The following PCDHA11 variants were observed in gnomAD, a reference collection of about 807,000 sequenced individuals.
The protein encoded by PCDHA11 is protocadherin alpha-11.
Under a neutral mutation model 70.3 loss-of-function variants are expected in PCDHA11, and 61 were observed. That is an observed-to-expected ratio of 0.87 (90% confidence interval 0.71 to 1.07). The LOEUF (loss-of-function observed/expected upper bound fraction) is 1.07. PCDHA11 is among the 50% of genes least tolerant of loss of function. PCDHA11 has a pLI of 0.00. For missense variants in PCDHA11, 1,324 were observed against 1,237.5 expected (o/e 1.07, Z -1.05); for synonymous variants, 633 against 555.1 (o/e 1.14, Z -1.97).
chr5:140,962,127 G>A (rs1198076557), intron 1 of PCDHA11, among the ~76,000 whole-genome samples: 1 of 151,934 alleles, frequency 6.6e-6, no homozygotes, highest in East Asian at 1.9e-4. Flanking sequence ...CCTTGGCCTC[G>A]GCCTCCCAAA....
chr5:140,954,025 C>T (rs533473552), intron 1 of PCDHA11, among the ~76,000 whole-genome samples: 385 of 152,188 alleles, frequency 2.5e-3, no homozygotes, highest in Middle Eastern at 0.014. Context: ...CATAGTGGGA[C>T]GATGTGGTAT....
chr5:140,917,669 C>G (rs555314392), intron 1 of PCDHA11, among the ~76,000 whole-genome samples: 2 of 152,140 alleles, frequency 1.3e-5, no homozygotes, highest in Non-Finnish European at 2.9e-5. Context: ...AGTCCTTTCT[C>G]CATTGCTTGT....
intron 3 of PCDHA11, among the ~76,000 whole-genome samples, chr5:141,006,057 A>G (rs2098253248): frequency 6.6e-6 from 1 of 152,022 alleles, no homozygotes. Context: ...AGAGTGGAGA[A>G]GAAATAAAAA....
intron 1 of PCDHA11, among the ~76,000 whole-genome samples, chr5:140,921,809 C>CA (rs1184598188): frequency 6.6e-6 from 1 of 151,940 alleles, no homozygotes; most frequent in Non-Finnish European, 1.5e-5. Context: ...AGATAAGATA[C>CA]ATGTGTGAAT....
chr5:140,903,401 T>C (rs577425497), intron 1 of PCDHA11, among the ~76,000 whole-genome samples: 1 of 152,218 alleles, frequency 6.6e-6, no homozygotes, highest in Non-Finnish European at 1.5e-5. Context: ...GAAACAGTAG[T>C]GCAGTCAGGA....
At chr5:140,879,555 C>A (rs1278975106) in intron 1 of PCDHA11, among the ~76,000 whole-genome samples, 1 of 152,048 alleles carries the variant, frequency 6.6e-6, no homozygotes, top group African/African-American at 2.4e-5. Flanking sequence ...AAAAATAATC[C>A]ATGAAAGAAT....
chr5:140,875,432 T>C (rs1268206649), intron 1 of PCDHA11: 3 of 1,559,782 alleles, frequency 1.9e-6, no homozygotes, highest in Non-Finnish European at 2.6e-6. Flanking sequence ...AGCGATCCCT[T>C]AAAACTGATT....
chr5:140,944,984 T>A (rs972607288), intron 1 of PCDHA11, among the ~76,000 whole-genome samples: 6 of 152,184 alleles, frequency 3.9e-5, no homozygotes, highest in Non-Finnish European at 8.8e-5. Context: ...GTGGGTCTAC[T>A]TCTGTAACGG....
intron 1 of PCDHA11, chr5:140,967,751 T>G: frequency 6.2e-7 from 1 of 1,614,138 alleles, no homozygotes; most frequent in African/African-American, 1.3e-5. Context: ...TGAGGAAGCC[T>G]CCTCCTACCA....
intron 1 of PCDHA11, among the ~76,000 whole-genome samples, chr5:140,976,889 T>A (rs2096736169): frequency 6.6e-6 from 1 of 152,218 alleles, no homozygotes; most frequent in Admixed American, 6.5e-5. Context: ...TTAGGATACA[T>A]GCAACAGTAT....
chr5:140,875,386 C>G, intron 1 of PCDHA11: 1 of 1,465,972 alleles, frequency 6.8e-7, no homozygotes, highest in Non-Finnish European at 9.0e-7. Flanking sequence ...TATGTACTTA[C>G]AGAAAAGGGT....
chr5:140,969,190 T>C, intron 1 of PCDHA11: 2 of 1,614,072 alleles, frequency 1.2e-6, no homozygotes, highest in Non-Finnish European at 1.7e-6. Flanking sequence ...CTTTCATGTT[T>C]TACAATACAG....
chr5:140,949,685 G>A (rs1044878374), intron 1 of PCDHA11, among the ~76,000 whole-genome samples: 4 of 151,794 alleles, frequency 2.6e-5, no homozygotes, highest in East Asian at 1.9e-4. Flanking sequence ...TTGTTGAAGC[G>A]TATTGTTGGA....
Position 140,870,709 on chromosome 5 carries a change from G to T in PCDHA11, c.1606G>T (p.Ala536Ser), listed in dbSNP as rs782475792. ...GGAGCTGCTACAGTTCCAGGTGAGC[G>T]CGCGCGATGCGGGCGTGCCGCCTCT... is the stretch of plus-strand genomic sequence containing the variant. ...ELELLQFQVS[A>S]RDAGVPPLSS... is the part of the protein sequence containing the mutation. Residue 536 changes from alanine to serine, a missense_variant, in exon 1 of 4, where the codon GCG becomes TCG. Coordinates refer to ENST00000398640, the MANE Select transcript of PCDHA11 (RefSeq NM_018902.5). 1 of 1,613,052 alleles carries T rather than the reference G, an allele frequency of 6.2e-7. No individual in the cohort carries two copies. Among genetic ancestry groups the T allele is most frequent in the Non-Finnish European group, 8.5e-7 (1 of 1,179,868 alleles).
At chr5:140,922,888 C>A (rs1584282377) in intron 1 of PCDHA11, among the ~76,000 whole-genome samples, 1 of 152,236 alleles carries the variant, frequency 6.6e-6, no homozygotes, top group South Asian at 2.1e-4. Flanking sequence ...AGACATCATT[C>A]AAGAAAAAAT....
At position 140,997,829 on chromosome 5, in the gene PCDHA11, C is replaced by G. The variant is rs1294994549; in HGVS notation, c.2540-11798C>G. On this transcript the variant is annotated intron_variant, in intron 3 of 3. Transcript: ENST00000398640. ...GCTGTTGGTATCTATGTTTTCTAAA[C>G]AATACAATATACATTCTTATACATA... 2.0e-5 allele frequency among the ~76,000 whole-genome samples: 3 copies of G among 152,190 alleles called. No homozygotes were observed. The East Asian group carries it at 5.8e-4, about 29-fold the overall frequency.
intron 1 of PCDHA11, among the ~76,000 whole-genome samples, chr5:140,909,116 T>C (rs1273091505): frequency 6.6e-6 from 1 of 152,182 alleles, no homozygotes; most frequent in African/African-American, 2.4e-5. Context: ...ATCAGCAAAA[T>C]GTCATCAAGG....
chr5:140,923,000 G>A (rs1554201089), intron 1 of PCDHA11, among the ~76,000 whole-genome samples: 2 of 152,220 alleles, frequency 1.3e-5, no homozygotes, highest in African/African-American at 4.8e-5. Context: ...CCATGAGAAT[G>A]GTTGTTGGAC....
Position 140,870,643 on chromosome 5 carries a change from G to T in PCDHA11, c.1540G>T (p.Gly514Cys), listed in dbSNP as rs782549928. The T allele has an allele frequency of 3.7e-6, 6 of 1,612,796 alleles. No individual in the cohort carries two copies. The highest frequency in any genetic ancestry group is 5.1e-6 in the Non-Finnish European group (6 of 1,179,778). Residue 514 changes from glycine to cysteine, a missense_variant, in exon 1 of 4, where the codon GGC becomes TGC. Coordinates refer to ENST00000398640, the MANE Select transcript of PCDHA11 (RefSeq NM_018902.5). ...CTACGTGTCGGTGCACGCGGAGAGC[G>T]GCAAGGTGTACGCGCTGCAGCCGTT... Reference protein sequence around the residue: ...SSYVSVHAESGKVYALQPLDH... With the variant: ...SSYVSVHAESCKVYALQPLDH...
Sources: gnomAD v4.1 joint callset for allele counts (sites outside exome capture counted in the v4.1 genomes callset) on GRCh38, gnomAD v4.1.1 for gene constraint, MANE v1.5 for transcripts, NCBI Gene and HGNC (gene_info 2026-07-23, HGNC 2026-07-21) for gene names.